The following ANKIB1 variants were observed in gnomAD, a reference collection of about 807,000 sequenced individuals.
ANKIB1 encodes the protein ankyrin repeat and IBR domain-containing protein 1.
In ANKIB1, 43 loss-of-function variants were observed where a neutral mutation model predicts 122.1. The ratio of observed to expected loss-of-function variants is 0.35; its 90% CI spans 0.28 to 0.45. The LOEUF (loss-of-function observed/expected upper bound fraction) is 0.45, where lower values mean the gene tolerates loss of function less well. ANKIB1 is among the 20% of genes least tolerant of loss of function. The pLI is 1.00. For missense variants in ANKIB1, 992 were observed against 1,329.5 expected (o/e 0.75, Z 3.95); for synonymous variants, 390 against 442.0 (o/e 0.88, Z 1.48).
At chr7:92,381,678 G>C (rs970786891) in intron 11 of ANKIB1, among the ~76,000 whole-genome samples, 28 of 152,280 alleles carry the variant, frequency 1.8e-4, no homozygotes, top group Non-Finnish European at 3.4e-4. Flanking sequence ...ATCCTTTACA[G>C]ACAAGCAAAT....
chr7:92,297,473 G>A (rs1802378820), intron 2 of ANKIB1, among the ~76,000 whole-genome samples: 1 of 152,122 alleles, frequency 6.6e-6, no homozygotes, highest in Admixed American at 6.5e-5. Context: ...ACTTGCTAAT[G>A]TTTATTATTT....
chr7:92,375,110 A>AT (rs1160361232), intron 11 of ANKIB1, among the ~76,000 whole-genome samples: 2 of 152,226 alleles, frequency 1.3e-5, no homozygotes, highest in African/African-American at 2.4e-5. Context: ...ACATACCTTA[A>AT]TTTAAAAATA....
rs747885313 is a variant in ANKIB1 at position 92,352,660 on chromosome 7, T to A, written c.1397+18T>A. On this transcript the variant is annotated intron_variant, in intron 9 of 19. Coordinates refer to ENST00000265742, the MANE Select transcript of ANKIB1 (RefSeq NM_019004.2). Reference sequence around the variant, plus strand: ...TTCTGCTGGTTAGTATAAGACAAGTTGGAATCAGCCTAATCACCTTTCTTT... The same window carrying A: ...TTCTGCTGGTTAGTATAAGACAAGTAGGAATCAGCCTAATCACCTTTCTTT... 3 of 1,587,542 alleles carry A rather than the reference T, an allele frequency of 1.9e-6. No individual in the cohort carries two copies. Among genetic ancestry groups the A allele is most frequent in the Non-Finnish European group, 2.6e-6 (3 of 1,171,734 alleles).
chr7:92,248,681 G>C (rs1418556329), intron 1 of ANKIB1, among the ~76,000 whole-genome samples: 1 of 152,016 alleles, frequency 6.6e-6, no homozygotes, highest in Admixed American at 6.6e-5. Flanking sequence ...TGCCAAAAAG[G>C]ATTTGGGAGT....
At chr7:92,397,674 A>C in intron 18 of ANKIB1, 49 bp from the exon 19 acceptor site, 1 of 1,599,558 alleles carries the variant, frequency 6.3e-7, no homozygotes, top group Non-Finnish European at 8.5e-7. Flanking sequence ...AAAATAAATA[A>C]GTCTTATTTG....
chr7:92,355,459 T>C (rs1001041155), intron 9 of ANKIB1, among the ~76,000 whole-genome samples: 7 of 152,192 alleles, frequency 4.6e-5, no homozygotes, highest in Non-Finnish European at 8.8e-5. Context: ...CCAGTGTGAA[T>C]TGAAAACTGA....
intron 3 of ANKIB1, among the ~76,000 whole-genome samples, chr7:92,314,181 C>T (rs1054829576): frequency 6.6e-6 from 1 of 151,752 alleles, no homozygotes; most frequent in Non-Finnish European, 1.5e-5. Flanking sequence ...GCCTGTAGTC[C>T]CAGCTACTCA....
intron 1 of ANKIB1, among the ~76,000 whole-genome samples, chr7:92,280,385 G>A (rs182143011): frequency 1.4e-5 from 2 of 145,862 alleles, no homozygotes; most frequent in East Asian, 4.0e-4. Context: ...GTAGATCTTG[G>A]ATGGAAACGC....
chr7:92,399,169 G>A lies in ANKIB1; in HGVS notation c.*220G>A. On this transcript the variant is annotated 3_prime_UTR_variant, in exon 20 of 20. Transcript: ENST00000265742. ...TAATTGAATAGCTTTTCCCCTTTTT[G>A]CTGACAAAAAGAAGAGCAAGAGAAA... The A allele has an allele frequency of 2.5e-6, 1 of 396,946 alleles. No homozygotes were observed. 24.6% of individuals were successfully genotyped at this position (396,946 alleles called of 1,614,324 possible).
At chr7:92,354,578 C>G (rs906144698) in intron 9 of ANKIB1, among the ~76,000 whole-genome samples, 1 of 152,256 alleles carries the variant, frequency 6.6e-6, no homozygotes, top group South Asian at 2.1e-4. Context: ...GATTTAAGTT[C>G]TTCAGCTTAA....
chr7:92,329,887 C>CA (rs1270343666), intron 5 of ANKIB1, among the ~76,000 whole-genome samples: 7 of 152,288 alleles, frequency 4.6e-5, no homozygotes, highest in Admixed American at 1.3e-4. Flanking sequence ...TCCAGTTTTA[C>CA]CATTCTTCTT....
At chr7:92,325,713 A>T (rs1209068156) in intron 4 of ANKIB1, among the ~76,000 whole-genome samples, 1 of 152,182 alleles carries the variant, frequency 6.6e-6, no homozygotes, top group East Asian at 1.9e-4. Flanking sequence ...AAATAAAAAC[A>T]AATACTTTCA....
chr7:92,307,619 A>G lies in ANKIB1; in HGVS notation c.449A>G (p.His150Arg). The G allele has an allele frequency of 6.2e-7, 1 of 1,611,728 alleles. No individual in the cohort carries two copies. Among genetic ancestry groups the G allele is most frequent in the Non-Finnish European group, 8.5e-7 (1 of 1,179,246 alleles). ...GATAACAAAAAAAACACACCCTTGC[A>G]CTATGCTGCTGCCTCAGGGATGAAA... ...AVDNKKNTPL[H>R]YAAASGMKAC... Residue 150 changes from histidine (H) to arginine (R), a missense_variant, in exon 3 of 20, where the codon CAC (histidine) becomes CGC (arginine). Coordinates refer to ENST00000265742, the MANE Select transcript of ANKIB1 (RefSeq NM_019004.2).
At chr7:92,265,818 G>T (rs965456937) in intron 1 of ANKIB1, among the ~76,000 whole-genome samples, 1 of 152,126 alleles carries the variant, frequency 6.6e-6, no homozygotes, top group Non-Finnish European at 1.5e-5. Context: ...AGAATAGGTT[G>T]GTGGAAAGGA....
intron 5 of ANKIB1, 68 bp from the exon 6 acceptor site, chr7:92,342,955 TA>T: frequency 7.0e-7 from 1 of 1,419,600 alleles, no homozygotes; most frequent in East Asian, 2.3e-5. Flanking sequence ...ATATTTTTGT[TA>T]TTATATAGCT....
intron 11 of ANKIB1, among the ~76,000 whole-genome samples, chr7:92,380,880 C>T (rs1191619167): frequency 2.0e-5 from 3 of 152,140 alleles, no homozygotes; most frequent in Admixed American, 6.5e-5. Context: ...TCGCCAGCAA[C>T]GGAACAAAGC....
chr7:92,268,259 G>A (rs1801714988), intron 1 of ANKIB1, among the ~76,000 whole-genome samples: 2 of 152,196 alleles, frequency 1.3e-5, no homozygotes, highest in South Asian at 4.1e-4. Context: ...TGCTTTGACT[G>A]TGGTGAAAGG....
At chr7:92,358,903 C>T (rs1803882997) in intron 9 of ANKIB1, among the ~76,000 whole-genome samples, 1 of 151,942 alleles carries the variant, frequency 6.6e-6, no homozygotes, top group Non-Finnish European at 1.5e-5. Context: ...GCATTCCCAC[C>T]TGTGTTTGCA....
chr7:92,296,494 T>C (rs1332937030), intron 2 of ANKIB1, among the ~76,000 whole-genome samples: 1 of 152,096 alleles, frequency 6.6e-6, no homozygotes, highest in Non-Finnish European at 1.5e-5. Flanking sequence ...CAAAGGGTCT[T>C]TTTTATCTAA....
Sources: allele counts gnomAD v4.1 joint callset (sites outside exome capture counted in the v4.1 genomes callset), GRCh38; gene constraint gnomAD v4.1.1; transcripts MANE v1.5; gene names NCBI Gene and HGNC (gene_info 2026-07-23, HGNC 2026-07-21).